Variants in SLC7A5 observed in about 807,000 individuals in gnomAD.
SLC7A5 encodes the protein solute carrier family 7 member 5.
Under a neutral mutation model 50.2 loss-of-function variants are expected in SLC7A5, and 23 were observed. That is an observed-to-expected ratio of 0.46 (90% confidence interval 0.33 to 0.65). SLC7A5 has a LOEUF of 0.65. Among genes scored for constraint, SLC7A5 ranks in the 30% least tolerant of loss-of-function variants. The pLI is 0.02. For synonymous variants in SLC7A5, 393 were observed against 330.6 expected, an observed-to-expected ratio of 1.19 and a Z score of -2.05; for missense variants, 578 against 684.4, an observed-to-expected ratio of 0.84 and a Z score of 1.73.
At position 87,832,914 on chromosome 16, in the gene SLC7A5, G is replaced by T; in HGVS notation, c.*56C>A. 3 of 1,431,520 alleles carry T rather than the reference G, an allele frequency of 2.1e-6. No individual in the cohort carries two copies. Among genetic ancestry groups the T allele is most frequent in the South Asian group, 1.1e-5 (1 of 87,370 alleles). 88.7% of individuals were successfully genotyped at this position (1,431,520 alleles called of 1,614,324 possible). On this transcript the variant is annotated 3_prime_UTR_variant, in exon 10 of 10. Transcript: ENST00000261622. This position sits in a 1 kb window ranked among gnomAD's most constrained non-coding sequence, Gnocchi z 4.6. ...GGAACCGGAGTGGGTTCGAGGAGGT[G>T]ATCTACTTTAACTGGCCTCTGCGCA...
At chr16:87,851,985 C>T in intron 1 of SLC7A5, 136 bp from the exon 2 acceptor site, 2 of 967,430 alleles carry the variant, frequency 2.1e-6, no homozygotes, top group Non-Finnish European at 3.2e-6. Flanking sequence ...CAGCTCCAGT[C>T]CCCTGCCAGC....
At position 87,864,313 on chromosome 16, in the gene SLC7A5, T is replaced by TA. The variant is rs528528433; in HGVS notation, c.538+4571dup. Reference sequence around the variant, plus strand: ...ACCTCAAAATAAATAAATAAATAAATAATAAATAAGTAAAATAAATCACTT... The same window carrying TA: ...ACCTCAAAATAAATAAATAAATAAATAAATAAATAAGTAAAATAAATCACTT... On this transcript the variant is annotated intron_variant, in intron 1 of 9. Coordinates refer to ENST00000261622, the MANE Select transcript of SLC7A5 (RefSeq NM_003486.7). Among the ~76,000 whole-genome samples, 169 of 151,902 alleles carry TA rather than the reference T, an allele frequency of 1.1e-3. 1 individual carries two copies. The highest frequency in any genetic ancestry group is 3.7e-3 in the African/African-American group (154 of 41,452).
intron 1 of SLC7A5, among the ~76,000 whole-genome samples, chr16:87,865,156 T>C (rs1348389215): frequency 6.6e-6 from 1 of 151,966 alleles, no homozygotes; most frequent in Non-Finnish European, 1.5e-5. Flanking sequence ...GATTCACTCT[T>C]GCAGAGAGTA....
intron 8 of SLC7A5, chr16:87,834,803 G>A (rs912579687): frequency 1.3e-5 from 8 of 614,646 alleles, no homozygotes; most frequent in Non-Finnish European, 2.3e-5. Flanking sequence ...AGGGGCTCAG[G>A]CGGCTTATGA....
chr16:87,846,038 G>A (rs1296627404), intron 2 of SLC7A5, among the ~76,000 whole-genome samples: 1 of 152,026 alleles, frequency 6.6e-6, no homozygotes, highest in Non-Finnish European at 1.5e-5. Flanking sequence ...GGCGGGTCAA[G>A]CATCCTTTAT....
chr16:87,834,741 C>A lies in SLC7A5; in HGVS notation c.1291-150G>T, dbSNP rs1338129581. ...TGCGATCTGCACTCCATCTGCCTCA[C>A]ACACCGGGCTGTCCCGCCCTCGACT... On this transcript the variant is annotated intron_variant, in intron 8 of 9. Coordinates refer to ENST00000261622, the MANE Select transcript of SLC7A5 (RefSeq NM_003486.7). The A allele has an allele frequency of 3.7e-6, 3 of 800,090 alleles. No homozygotes were observed. In the African/African-American group the frequency reaches 5.1e-5, roughly 14 times the overall value. The allele number at this position is 800,090 out of a possible 1,614,324, so 49.6% of individuals were successfully genotyped here.
intron 1 of SLC7A5, among the ~76,000 whole-genome samples, chr16:87,865,979 G>C (rs61584523): frequency 0.047 from 7,178 of 152,154 alleles, 214 homozygotes; most frequent in South Asian, 0.14. Flanking sequence ...AACGAGCCTG[G>C]GCAACAGACA....
At chr16:87,863,986 A>AATATATATATATATCTATATAT (rs2055429911) in intron 1 of SLC7A5, among the ~76,000 whole-genome samples, 1 of 83,280 alleles carries the variant, frequency 1.2e-5, no homozygotes, top group Non-Finnish European at 2.5e-5. Context: ...ATCATTTAAA[A>AATATATATATATATCTATATAT]ATATATATAT....
chr16:87,868,527 C>T (rs989964776), intron 1 of SLC7A5, among the ~76,000 whole-genome samples: 7 of 152,174 alleles, frequency 4.6e-5, no homozygotes, highest in Non-Finnish European at 8.8e-5. Context: ...AAACCGATTG[C>T]TCAGTTACTC....
In SLC7A5 at chr16:87,838,192, C is replaced by G. The variant is rs563141052; in HGVS notation, c.1044-251G>C. On this transcript the variant is annotated intron_variant, in intron 6 of 9. Transcript: ENST00000261622. ...GGGTCAAGCGGCGGCCACAGGGCATCTAGGACACCACAGCTGTGTCACCTC... is the reference window on the plus strand; with the variant it reads ...GGGTCAAGCGGCGGCCACAGGGCATGTAGGACACCACAGCTGTGTCACCTC... Among the ~76,000 whole-genome samples the G allele has an allele frequency of 8.6e-4, 131 of 152,260 alleles. 1 individual carries two copies. The highest frequency in any genetic ancestry group is 1.9e-3 in the South Asian group (9 of 4,832).
chr16:87,869,379 G>A lies in SLC7A5; in HGVS notation c.44C>T (p.Ala15Val). ...GPKRRALAAP[A>V]AEEKEEAREK... ...CCGCGCCTCTTCCTTCTCCTCGGCCGCCGGCGCCGCTAGCGCGCGCCGCTT... is the reference window on the plus strand; with the variant it reads ...CCGCGCCTCTTCCTTCTCCTCGGCCACCGGCGCCGCTAGCGCGCGCCGCTT... Residue 15 changes from alanine to valine, a missense_variant, in exon 1 of 10, where the codon GCG becomes GTG. Ala to Val is a moderately conservative substitution (Grantham distance 64). Coordinates refer to ENST00000261622, the MANE Select transcript of SLC7A5 (RefSeq NM_003486.7). 1 of 1,595,794 alleles carries A rather than the reference G, an allele frequency of 6.3e-7. No individual in the cohort carries two copies. The highest frequency in any genetic ancestry group is 8.5e-7 in the Non-Finnish European group (1 of 1,174,232).
At chr16:87,858,086 G>A (rs2055343019) in intron 1 of SLC7A5, among the ~76,000 whole-genome samples, 1 of 152,082 alleles carries the variant, frequency 6.6e-6, no homozygotes, top group Non-Finnish European at 1.5e-5. Flanking sequence ...CCTGACTCCA[G>A]GAGACCCCCA....
chr16:87,868,126 AAAAAAAAG>A (rs1181629737), intron 1 of SLC7A5, among the ~76,000 whole-genome samples: 51 of 146,508 alleles, frequency 3.5e-4, no homozygotes, highest in South Asian at 3.2e-3. Flanking sequence ...AAAAAAAAAA[AAAAAAAAG>A]AAAGAAAAAG....
intron 1 of SLC7A5, among the ~76,000 whole-genome samples, chr16:87,865,355 G>T (rs191766454): frequency 6.6e-6 from 1 of 152,204 alleles, no homozygotes; most frequent in East Asian, 1.9e-4. Context: ...GGTCAGAGAG[G>T]GTTGGCACTC....
At chr16:87,836,303 G>A (rs534337174) in intron 8 of SLC7A5, among the ~76,000 whole-genome samples, 195 bp downstream of exon 8, 9 of 152,242 alleles carry the variant, frequency 5.9e-5, no homozygotes, top group Non-Finnish European at 7.3e-5. Flanking sequence ...GAGGAACCCC[G>A]GCTCCTGCAG....
At chr16:87,868,228 A>G (rs2055487974) in intron 1 of SLC7A5, among the ~76,000 whole-genome samples, 1 of 152,160 alleles carries the variant, frequency 6.6e-6, no homozygotes, top group Non-Finnish European at 1.5e-5. Flanking sequence ...CAGGAGCCCC[A>G]TGGCTGTTTC....
chr16:87,832,822 G>T lies in SLC7A5; in HGVS notation c.*148C>A. ...GATTCGTACCAGAGTTTTCACAGCA[G>T]CCTCCACTGCCCGACCTGGGAGGGA... On this transcript the variant is annotated 3_prime_UTR_variant, in exon 10 of 10. Transcript: ENST00000261622. This position sits in a 1 kb window ranked among gnomAD's most constrained non-coding sequence, Gnocchi z 4.6. 1 of 716,724 alleles carries T rather than the reference G, an allele frequency of 1.4e-6. No homozygotes were observed. Among genetic ancestry groups the T allele is most frequent in the Non-Finnish European group, 2.6e-6 (1 of 389,662 alleles). 44.4% of individuals were successfully genotyped at this position (716,724 alleles called of 1,614,324 possible). A position where few individuals can be genotyped will look rare whatever the true frequency, so the allele number is the denominator to read the frequency against.
intron 5 of SLC7A5, 93 bp from the exon 6 acceptor site, chr16:87,838,910 G>C (rs964342611): frequency 1.1e-6 from 1 of 909,312 alleles, no homozygotes; most frequent in Admixed American, 1.9e-5. Flanking sequence ...GCCAGCCCTC[G>C]CCCTCTGTGC....
Position 87,833,260 on chromosome 16 carries a change from G to A in SLC7A5, c.1469-235C>T, listed in dbSNP as rs914544595. Among the ~76,000 whole-genome samples the A allele has an allele frequency of 3.9e-5, 6 of 152,234 alleles. No homozygotes were observed. Among genetic ancestry groups the A allele is most frequent in the African/African-American group, 1.2e-4 (5 of 41,466 alleles). ...CCACATCCCACTCGGCCCACCCCTC[G>A]CCTGCTTCAGAACCCTGGGGAGGCA... On this transcript the variant is annotated intron_variant, in intron 9 of 9. Transcript: ENST00000261622. The surrounding 1 kb of genome is among the most constrained non-coding windows in gnomAD (Gnocchi z 6.0).
Sources: allele counts gnomAD v4.1 joint callset (sites outside exome capture counted in the v4.1 genomes callset), GRCh38; gene constraint gnomAD v4.1.1; non-coding constraint Gnocchi (gnomAD v3.1); transcripts MANE v1.5; gene names NCBI Gene and HGNC (gene_info 2026-07-23, HGNC 2026-07-21).